RBAK: variants seen among roughly 807,000 people sequenced by gnomAD.
RBAK encodes RB-associated KRAB zinc finger protein.
RBAK carries 39 observed loss-of-function variants against 65.8 expected under a neutral mutation model. That is an observed-to-expected ratio of 0.59 (90% CI 0.46 to 0.77). RBAK has a LOEUF of 0.77. Among genes scored for constraint, RBAK ranks in the 30% least tolerant of loss-of-function variants. The pLI is 0.00. For synonymous variants in RBAK, 343 were observed against 289.7 expected, an observed-to-expected ratio of 1.18 and a Z score of -1.87; for missense variants, 884 against 855.1, an observed-to-expected ratio of 1.03 and a Z score of -0.42.
rs1779200932 is a variant in RBAK at position 5,065,657 on chromosome 7, A to G, written c.*56A>G. On this transcript the variant is annotated 3_prime_UTR_variant, in exon 5 of 5. Transcript: ENST00000396912. The surrounding 1 kb of genome is among the most constrained non-coding windows in gnomAD (Gnocchi z 5.3). ...GAATATAATGAATATGGGGAATCCA[A>G]TAGGAAGTCAAAGCGTTTATCTGAG... 7.8e-7 allele frequency: 1 copy of G among 1,285,128 alleles called. No homozygotes were observed. The highest frequency in any genetic ancestry group is 1.8e-5 in the South Asian group (1 of 56,578). The allele number at this position is 1,285,128 out of a possible 1,614,324, so 79.6% of individuals were successfully genotyped here. A position where few individuals can be genotyped will look rare whatever the true frequency, so the allele number is the denominator to read the frequency against.
In RBAK at chr7:5,063,991, G is replaced by T. The variant is rs151113080; in HGVS notation, c.535G>T (p.Glu179Ter). The change falls in exon 5 of 5, where the codon GAA becomes TAA. Residue 179 changes from glutamate (E) to a stop codon, truncating the protein, a stop_gained. Coordinates refer to ENST00000396912, the MANE Select transcript of RBAK (RefSeq NM_021163.4). LOFTEE classifies it high-confidence loss of function. ...GKTYHGEKMC[E>*]FNQNGDTYSH... is the part of the protein sequence containing the mutation. ...AACATATCATGGAGAGAAAATGTGTGAATTTAATCAAAATGGGGATACCTA... is the reference window on the plus strand; with the variant it reads ...AACATATCATGGAGAGAAAATGTGTTAATTTAATCAAAATGGGGATACCTA... The T allele has an allele frequency of 6.2e-7, 1 of 1,613,860 alleles. No individual in the cohort carries two copies. The highest frequency in any genetic ancestry group is 8.5e-7 in the Non-Finnish European group (1 of 1,179,936).
Position 5,048,747 on chromosome 7 carries a change from C to T in RBAK, c.15+656C>T, listed in dbSNP as rs1476082111. ...GAAAAGAGGTTTAATTGGCTCACGC[C>T]TGCAGGCTCTATCATAGGAAGCATG... is the stretch of plus-strand genomic sequence containing the variant. On this transcript the variant is annotated intron_variant, in intron 2 of 4. Transcript: ENST00000396912. This position sits in a 1 kb window ranked among gnomAD's most constrained non-coding sequence, Gnocchi z 4.4. Among the ~76,000 whole-genome samples the T allele has an allele frequency of 1.3e-5, 2 of 152,122 alleles. No individual in the cohort carries two copies. Among genetic ancestry groups the T allele is most frequent in the African/African-American group, 4.8e-5 (2 of 41,416 alleles).
intron 4 of RBAK, 40 bp downstream of exon 4, chr7:5,057,819 C>G (rs1047802885): frequency 1.9e-6 from 3 of 1,611,366 alleles, no homozygotes; most frequent in Middle Eastern, 1.7e-4. Context: ...AATGCTCATC[C>G]CAGACCTTTG....
intron 4 of RBAK, among the ~76,000 whole-genome samples, chr7:5,061,805 G>A (rs1200341307): frequency 6.6e-6 from 1 of 151,910 alleles, no homozygotes; most frequent in African/African-American, 2.4e-5. Context: ...GGCTGAGGCA[G>A]GAGATTCGCT....
chr7:5,053,900 G>T (rs887267109), intron 2 of RBAK, among the ~76,000 whole-genome samples: 4 of 152,112 alleles, frequency 2.6e-5, no homozygotes, highest in Non-Finnish European at 5.9e-5. Flanking sequence ...TGTCAATTCT[G>T]GGCCAGTTTT....
chr7:5,064,625 A>G lies in RBAK; in HGVS notation c.1169A>G (p.Asp390Gly). 1.2e-6 allele frequency: 2 copies of G among 1,613,682 alleles called. No individual in the cohort carries two copies. The highest frequency in any genetic ancestry group is 1.7e-6 in the Non-Finnish European group (2 of 1,179,744). Residue 390 changes from aspartate to glycine, a missense_variant, in exon 5 of 5, where the codon GAC becomes GGC. By Grantham distance (94) the Asp-to-Gly change is moderately conservative (BLOSUM62 -1). Transcript: ENST00000396912. The surrounding 1 kb of genome is among the most constrained non-coding windows in gnomAD (Gnocchi z 6.3). ...KSFSRKSALS[D>G]HQRTHTGEKL... The stretch of plus-strand genomic sequence containing the variant: ...TTCTCCCGCAAGTCTGCTCTCAGTG[A>G]CCATCAGAGAACTCACACGGGAGAG...
chr7:5,057,897 A>G, intron 4 of RBAK, 118 bp downstream of exon 4: 6 of 1,011,034 alleles, frequency 5.9e-6, no homozygotes, highest in Non-Finnish European at 8.9e-6. Context: ...CCCAAATATC[A>G]CTTTCCTTCC....
At chr7:5,055,743 C>T (rs1203092154) in intron 2 of RBAK, among the ~76,000 whole-genome samples, 1 of 151,278 alleles carries the variant, frequency 6.6e-6, no homozygotes, top group African/African-American at 2.4e-5. Context: ...ACCCCTACTA[C>T]CTCCTTGCCT....
chr7:5,057,857 AT>A (rs1778966055), intron 4 of RBAK, 78 bp downstream of exon 4: 1 of 1,505,448 alleles, frequency 6.6e-7, no homozygotes, highest in East Asian at 2.3e-5. Flanking sequence ...GTTTATATGT[AT>A]TCAGTACCCT....
intron 2 of RBAK, among the ~76,000 whole-genome samples, chr7:5,056,727 A>C (rs1468564529): frequency 6.6e-6 from 1 of 152,166 alleles, no homozygotes; most frequent in Non-Finnish European, 1.5e-5. Context: ...GCCAGAGGCC[A>C]CTGGCTATGA....
At position 5,064,252 on chromosome 7, in the gene RBAK, T is replaced by C. The variant is rs1303781186; in HGVS notation, c.796T>C (p.Cys266Arg). ...AATGAAGCCCTTTGAATGCAGTGAA[T>C]GTGGAAAATCCTTCTGTAAAAAGTC... is the stretch of plus-strand genomic sequence containing the variant. Reference protein sequence around the residue: ...MEMKPFECSECGKSFCKKSKF... With the variant: ...MEMKPFECSERGKSFCKKSKF... Residue 266 changes from cysteine (C) to arginine (R), a missense_variant, in exon 5 of 5, where the codon TGT (cysteine) becomes CGT (arginine). Transcript: ENST00000396912. This position sits in a 1 kb window ranked among gnomAD's most constrained non-coding sequence, Gnocchi z 6.3. 1.2e-6 allele frequency: 2 copies of C among 1,614,174 alleles called. No individual in the cohort carries two copies. Among genetic ancestry groups the C allele is most frequent in the Non-Finnish European group, 8.5e-7 (1 of 1,180,012 alleles).
At chr7:5,057,143 A>G (rs1382555030) in intron 2 of RBAK, 152 bp from the exon 3 acceptor site, 2 of 957,496 alleles carry the variant, frequency 2.1e-6, no homozygotes, top group African/African-American at 1.7e-5. Flanking sequence ...ACCCCAAAGG[A>G]TATGTGTTTC....
intron 4 of RBAK, among the ~76,000 whole-genome samples, chr7:5,061,278 T>C (rs916586708): frequency 1.3e-5 from 2 of 152,128 alleles, no homozygotes; most frequent in South Asian, 4.2e-4. Context: ...TAGTAAATTG[T>C]TGGGGGTTTG....
intron 1 of RBAK, 60 bp downstream of exon 1, chr7:5,046,456 G>A (rs1463125417): frequency 8.2e-6 from 4 of 485,010 alleles, no homozygotes; most frequent in Admixed American, 4.2e-5. Context: ...ACCGTGTGTT[G>A]GGGACCTTAG....
chr7:5,064,606 C>T lies in RBAK; in HGVS notation c.1150C>T (p.Arg384Cys), dbSNP rs769459645. 6.2e-6 allele frequency: 10 copies of T among 1,613,934 alleles called. No individual in the cohort carries two copies. The highest frequency in any genetic ancestry group is 3.3e-5 in the Admixed American group (2 of 59,996). Residue 384 changes from arginine to cysteine, a missense_variant, in exon 5 of 5, where the codon CGC (arginine) becomes TGC (cysteine). Physicochemically the swap from Arg to Cys is radical, Grantham distance 180. Transcript: ENST00000396912. The surrounding 1 kb of genome is among the most constrained non-coding windows in gnomAD (Gnocchi z 6.3). Reference sequence around the variant, plus strand: ...TAACGAATGTGGGAAATCCTTCTCCCGCAAGTCTGCTCTCAGTGACCATCA... The same window carrying T: ...TAACGAATGTGGGAAATCCTTCTCCTGCAAGTCTGCTCTCAGTGACCATCA... Reference protein sequence around the residue: ...PCNECGKSFSRKSALSDHQRT... With the variant: ...PCNECGKSFSCKSALSDHQRT...
chr7:5,060,582 C>G (rs1235238596), intron 4 of RBAK, among the ~76,000 whole-genome samples: 1 of 152,204 alleles, frequency 6.6e-6, no homozygotes, highest in African/African-American at 2.4e-5. Context: ...TAAATGTCTT[C>G]AAGTTTCCCC....
rs1779156011 is a variant in RBAK, at chr7:5,064,151, C to T, written c.695C>T (p.Pro232Leu). Residue 232 changes from proline (P) to leucine (L), a missense_variant, in exon 5 of 5, where the codon CCC becomes CTC. Pro to Leu is a moderately conservative substitution (Grantham distance 98). Transcript: ENST00000396912. The surrounding 1 kb of genome is among the most constrained non-coding windows in gnomAD (Gnocchi z 6.3). ...AAGAGAGCTTACATAGGGGAGAAGC[C>T]CTATGAGTGGAATGATTCTGGACCA... Reference protein sequence around the residue: ...AHKRAYIGEKPYEWNDSGPDF... With the variant: ...AHKRAYIGEKLYEWNDSGPDF... 1 of 1,613,730 alleles carries T rather than the reference C, an allele frequency of 6.2e-7. No individual in the cohort carries two copies. The highest frequency in any genetic ancestry group is 1.7e-5 in the Admixed American group (1 of 59,980).
rs530370225 is a variant in RBAK, at chr7:5,049,784, C to T, written c.15+1693C>T. Among the ~76,000 whole-genome samples, 423 of 152,046 alleles carry T rather than the reference C, an allele frequency of 2.8e-3. 2 individuals are homozygous for T. Among genetic ancestry groups the T allele is most frequent in the Non-Finnish European group, 4.4e-3 (302 of 67,986 alleles). On this transcript the variant is annotated intron_variant, in intron 2 of 4. Coordinates refer to ENST00000396912, the MANE Select transcript of RBAK (RefSeq NM_021163.4). ...TGTCACCCAGGCTGGAGTGTAGAGA[C>T]GTGATCACAACTCACTGCAACCTCA...
intron 4 of RBAK, among the ~76,000 whole-genome samples, chr7:5,063,442 C>T (rs182643328): frequency 2.7e-4 from 40 of 150,242 alleles, no homozygotes; most frequent in African/African-American, 9.1e-4. Flanking sequence ...ATTTACTCTT[C>T]TATTTTCTAC....
Sources: gnomAD v4.1 joint callset for allele counts (sites outside exome capture counted in the v4.1 genomes callset) on GRCh38, gnomAD v4.1.1 for gene constraint, Gnocchi (gnomAD v3.1) non-coding constraint, MANE v1.5 for transcripts, NCBI Gene and HGNC (gene_info 2026-07-23, HGNC 2026-07-21) for gene names.